Variants in KCNB2 observed in about 807,000 individuals in gnomAD.
KCNB2 encodes the protein delayed rectifier potassium channel protein.
KCNB2 carries 15 observed loss-of-function variants against 61.5 expected under a neutral mutation model. That is an observed-to-expected ratio of 0.24 (90% confidence interval 0.16 to 0.38). The LOEUF (loss-of-function observed/expected upper bound fraction) is 0.38, where lower values mean the gene tolerates loss of function less well. KCNB2 is among the 10% of genes least tolerant of loss of function. KCNB2 has a pLI of 1.00. For synonymous variants in KCNB2, 457 were observed against 446.0 expected, an observed-to-expected ratio of 1.02 and a Z score of -0.31; for missense variants, 828 against 1,125.2, an observed-to-expected ratio of 0.74 and a Z score of 3.78.
At chr8:72,771,625 T>C (rs977030958) in intron 2 of KCNB2, among the ~76,000 whole-genome samples, 2 of 152,150 alleles carry the variant, frequency 1.3e-5, no homozygotes, top group East Asian at 1.9e-4. Flanking sequence ...TAGCCAAGTC[T>C]CATTGAGTAG....
intron 2 of KCNB2, among the ~76,000 whole-genome samples, chr8:72,579,187 G>A (rs766403363): frequency 2.2e-4 from 34 of 152,212 alleles, no homozygotes; most frequent in African/African-American, 7.9e-4. Flanking sequence ...GCCCCACTGA[G>A]CCCCTCGAGA....
intron 2 of KCNB2, among the ~76,000 whole-genome samples, chr8:72,915,860 A>G (rs1311485409): frequency 1.3e-5 from 2 of 152,338 alleles, no homozygotes; most frequent in South Asian, 4.2e-4. Context: ...CGGAGCTTGC[A>G]GTGAGCAGAG....
intron 2 of KCNB2, among the ~76,000 whole-genome samples, chr8:72,742,687 T>C (rs1279865102): frequency 6.6e-6 from 1 of 152,162 alleles, no homozygotes; most frequent in African/African-American, 2.4e-5. Flanking sequence ...CTCCTGTGCG[T>C]GGAAGGGGCA....
chr8:72,743,222 G>A (rs1807995925), intron 2 of KCNB2, among the ~76,000 whole-genome samples: 1 of 152,210 alleles, frequency 6.6e-6, no homozygotes, highest in Non-Finnish European at 1.5e-5. Flanking sequence ...TCTAGCTGTA[G>A]TATACTATGA....
At chr8:72,628,936 G>A (rs888921056) in intron 2 of KCNB2, among the ~76,000 whole-genome samples, 2 of 152,120 alleles carry the variant, frequency 1.3e-5, no homozygotes, top group Non-Finnish European at 2.9e-5. Context: ...TTTGAACTAT[G>A]TGCAGCCCGA....
intron 2 of KCNB2, among the ~76,000 whole-genome samples, chr8:72,620,429 C>G (rs1276163056): frequency 4.6e-5 from 7 of 152,118 alleles, no homozygotes; most frequent in Non-Finnish European, 1.0e-4. Context: ...GTTAATAGAT[C>G]TTAAATTACT....
rs192110348 is a variant in KCNB2 at position 72,658,337 on chromosome 8, C to A, written c.579+90024C>A. On this transcript the variant is annotated intron_variant, in intron 2 of 2. Transcript: ENST00000523207. The stretch of plus-strand genomic sequence containing the variant: ...AAGATCAAACCAGCCACAACATTTC[C>A]TTATGCTAAAGCCTAATCCAGAGCG... Among the ~76,000 whole-genome samples the A allele has an allele frequency of 9.0e-4, 137 of 152,298 alleles. 1 individual carries two copies. The highest frequency in any genetic ancestry group is 3.3e-3 in the African/African-American group (137 of 41,566).
chr8:72,688,226 T>G (rs1404828437), intron 2 of KCNB2, among the ~76,000 whole-genome samples: 1 of 152,222 alleles, frequency 6.6e-6, no homozygotes, highest in Admixed American at 6.5e-5. Context: ...CATGGTCCTG[T>G]AACTTTCAGG....
rs1322829717 is a variant in KCNB2, at chr8:72,537,271, C to CGGCGCCCCAG, written c.-707_-698dup. 1 of 151,648 alleles carries CGGCGCCCCAG rather than the reference C, an allele frequency of 6.6e-6. No homozygotes were observed. The highest frequency in any genetic ancestry group is 1.5e-5 in the Non-Finnish European group (1 of 67,760). The allele number at this position is 151,648 out of a possible 1,614,324, so 9.4% of individuals were successfully genotyped here. A position where few individuals can be genotyped will look rare whatever the true frequency, so the allele number is the denominator to read the frequency against. ...GCCGGCTAGCTGCGGGGCGGGGGAG[C>CGGCGCCCCAG]GGCGCCCCAGAGCGCCCCGCCTAGC... On this transcript the variant is annotated 5_prime_UTR_variant, in exon 1 of 3. Coordinates refer to ENST00000523207, the MANE Select transcript of KCNB2 (RefSeq NM_004770.3).
rs557690060 is a variant in KCNB2 at position 72,902,303 on chromosome 8, G to T, written c.580-33632G>T. ...TTAAGGAACAAAGGACCATGATGAAGAGCCAAAGATAGGTGTTGTGGATGG... is the reference window on the plus strand; with the variant it reads ...TTAAGGAACAAAGGACCATGATGAATAGCCAAAGATAGGTGTTGTGGATGG... On this transcript the variant is annotated intron_variant, in intron 2 of 2. Transcript: ENST00000523207. Among the ~76,000 whole-genome samples, 3 of 152,276 alleles carry T rather than the reference G, an allele frequency of 2.0e-5. No individual in the cohort carries two copies. In the South Asian group the frequency reaches 6.2e-4, roughly 32 times the overall value.
chr8:72,578,136 C>G (rs1012861601), intron 2 of KCNB2, among the ~76,000 whole-genome samples: 3 of 152,174 alleles, frequency 2.0e-5, no homozygotes, highest in African/African-American at 7.2e-5. Flanking sequence ...TGAAGAACAG[C>G]AACAGAGTCA....
intron 2 of KCNB2, among the ~76,000 whole-genome samples, chr8:72,695,318 C>T (rs1001046151): frequency 1.3e-5 from 2 of 152,146 alleles, no homozygotes; most frequent in Non-Finnish European, 2.9e-5. Context: ...AATGTGTCTT[C>T]TACTTAGCAG....
At chr8:72,690,819 A>T (rs1292034779) in intron 2 of KCNB2, among the ~76,000 whole-genome samples, 3 of 152,258 alleles carry the variant, frequency 2.0e-5, no homozygotes, top group African/African-American at 7.2e-5. Context: ...TTAATGTCAC[A>T]GGTGAAAGAA....
intron 2 of KCNB2, among the ~76,000 whole-genome samples, chr8:72,717,181 G>T (rs1232137161): frequency 6.6e-6 from 1 of 152,142 alleles, no homozygotes; most frequent in African/African-American, 2.4e-5. Flanking sequence ...ACAAATGGAA[G>T]AACATTCCAT....
intron 2 of KCNB2, among the ~76,000 whole-genome samples, chr8:72,744,122 A>G (rs1808016661): frequency 6.6e-6 from 1 of 152,134 alleles, no homozygotes; most frequent in Non-Finnish European, 1.5e-5. Flanking sequence ...TGATTTAGGG[A>G]TACTATTTGA....
chr8:72,932,295 G>A (rs550753545), intron 2 of KCNB2, among the ~76,000 whole-genome samples: 3 of 152,312 alleles, frequency 2.0e-5, no homozygotes, highest in South Asian at 4.1e-4. Context: ...GTGTAAGTGT[G>A]CATTCATCTA....
At chr8:72,729,797 C>T (rs549449588) in intron 2 of KCNB2, among the ~76,000 whole-genome samples, 21 of 151,996 alleles carry the variant, frequency 1.4e-4, no homozygotes, top group African/African-American at 3.9e-4. Flanking sequence ...GCAGGAGAAT[C>T]GCTTGAACCC....
intron 1 of KCNB2, among the ~76,000 whole-genome samples, chr8:72,547,633 T>C (rs987850322): frequency 2.0e-5 from 3 of 152,190 alleles, no homozygotes; most frequent in Non-Finnish European, 4.4e-5. Context: ...TCAGAAGATA[T>C]ACATGAATTG....
chr8:72,833,882 C>T (rs570545224), intron 2 of KCNB2, among the ~76,000 whole-genome samples: 1 of 152,250 alleles, frequency 6.6e-6, no homozygotes, highest in East Asian at 1.9e-4. Flanking sequence ...AGGGGTCCAC[C>T]ACCCTTCCTG....
Sources: gnomAD v4.1 joint callset for allele counts (sites outside exome capture counted in the v4.1 genomes callset) on GRCh38, gnomAD v4.1.1 for gene constraint, MANE v1.5 for transcripts, NCBI Gene and HGNC (gene_info 2026-07-23, HGNC 2026-07-21) for gene names.